THRAP3: variants seen among roughly 807,000 people sequenced by gnomAD.
The protein encoded by THRAP3 is thyroid hormone receptor-associated protein 3.
A neutral mutation model predicts 101.0 loss-of-function variants in THRAP3; 16 were observed. The ratio of observed to expected loss-of-function variants is 0.16; its 90% CI spans 0.11 to 0.24. THRAP3 has a LOEUF of 0.24. THRAP3 is among the 10% of genes least tolerant of loss of function. THRAP3 has a pLI of 1.00. For missense variants in THRAP3, 989 were observed against 1,202.7 expected, an observed-to-expected ratio of 0.82 and a Z score of 2.63; for synonymous variants, 407 against 422.6, an observed-to-expected ratio of 0.96 and a Z score of 0.45.
At position 36,303,948 on chromosome 1, in the gene THRAP3, G is replaced by A. The variant is rs1459361224; in HGVS notation, c.2799G>A (p.Glu933=). ...ACAAGTTCAGTGGGGAGGAAGGGGA[G>A]ATTGAAGACGACGAGAGTGGGACAG... ...AHDKFSGEEG[E]IEDDESGTEN... is the part of the protein sequence containing the mutation. Residue 933 remains glutamate (E), a synonymous_variant, in exon 12 of 12, where the codon GAG becomes GAA. Transcript: ENST00000354618. 6.2e-7 allele frequency: 1 copy of A among 1,612,196 alleles called. No individual in the cohort carries two copies. Among genetic ancestry groups the A allele is most frequent in the Non-Finnish European group, 8.5e-7 (1 of 1,179,218 alleles).
At position 36,289,556 on chromosome 1, in the gene THRAP3, A is replaced by G; in HGVS notation, c.1537A>G (p.Arg513Gly). The G allele has an allele frequency of 1.9e-6, 3 of 1,614,122 alleles. No individual in the cohort carries two copies. Among genetic ancestry groups the G allele is most frequent in the Non-Finnish European group, 2.5e-6 (3 of 1,180,008 alleles). Residue 513 changes from arginine (R) to glycine (G), a missense_variant, in exon 5 of 12, where the codon AGG becomes GGG. Arg to Gly is a moderately radical substitution (Grantham distance 125). Coordinates refer to ENST00000354618, the MANE Select transcript of THRAP3 (RefSeq NM_005119.4). ...GGGCAAGAGAAGCGAAGGTGGGCAC[A>G]GGGGCTTTGTGCCTGAGAAGAATTT... ...DRGKRSEGGH[R>G]GFVPEKNFRV...
chr1:36,213,909 G>GAGAAAGAAAGAA, the THRAP3 span, among the ~76,000 whole-genome samples: 204 of 80,328 alleles, frequency 2.5e-3, 6 homozygotes, highest in Middle Eastern at 0.011. Flanking sequence ...AAGAAGGAAA[G>GAGAAAGAAAGAA]AGAAAGAAAG....
upstream of THRAP3, among the ~76,000 whole-genome samples, chr1:36,220,885 C>T (rs1376823080): frequency 7.0e-6 from 1 of 143,458 alleles, no homozygotes; most frequent in Admixed American, 7.3e-5. Flanking sequence ...AACCCGGGGG[C>T]GCAGAGACTG....
upstream of THRAP3, among the ~76,000 whole-genome samples, chr1:36,221,187 A>AC (rs1644901569): frequency 8.2e-6 from 1 of 121,622 alleles, no homozygotes; most frequent in South Asian, 2.5e-4. Flanking sequence ...ACCCTATCTC[A>AC]AAAAAAAAAA....
chr1:36,282,050 G>A (rs1645737975), intron 2 of THRAP3, among the ~76,000 whole-genome samples: 1 of 150,300 alleles, frequency 6.7e-6, no homozygotes, highest in Non-Finnish European at 1.5e-5. Flanking sequence ...TCTAGCCTGG[G>A]CAACAAAAGC....
At chr1:36,262,959 ATTT>A (rs55662646) in intron 2 of THRAP3, among the ~76,000 whole-genome samples, 8 of 104,366 alleles carry the variant, frequency 7.7e-5, no homozygotes, top group African/African-American at 2.5e-4. Flanking sequence ...GGGCCGGCTA[ATTT>A]TTTTTTTTTT....
intron 2 of THRAP3, among the ~76,000 whole-genome samples, chr1:36,262,130 A>G (rs557537319): frequency 6.6e-5 from 10 of 152,374 alleles, no homozygotes; most frequent in African/African-American, 1.7e-4. Flanking sequence ...ATATAATTCA[A>G]TATATCCAGT....
chr1:36,218,256 C>G, the THRAP3 span, among the ~76,000 whole-genome samples: 2 of 151,090 alleles, frequency 1.3e-5, no homozygotes, highest in Non-Finnish European at 2.9e-5. Context: ...GTAGTCCCAG[C>G]TACTCGGGAG....
At chr1:36,212,702 G>A in the THRAP3 span, among the ~76,000 whole-genome samples, 1 of 152,088 alleles carries the variant, frequency 6.6e-6, no homozygotes, top group Non-Finnish European at 1.5e-5. Context: ...TTACAAGCAT[G>A]TGCCACCACA....
intron 1 of THRAP3, among the ~76,000 whole-genome samples, chr1:36,232,074 G>C (rs1645034357): frequency 6.6e-6 from 1 of 152,020 alleles, no homozygotes; most frequent in African/African-American, 2.4e-5. Flanking sequence ...AAATTAGGCA[G>C]GTGTGGTGGT....
Position 36,304,139 on chromosome 1 carries a change from G to C in THRAP3, c.*122G>C, listed in dbSNP as rs770659174. The C allele has an allele frequency of 2.2e-5, 31 of 1,386,568 alleles. No homozygotes were observed. Among genetic ancestry groups the C allele is most frequent in the African/African-American group, 4.4e-5 (3 of 68,040 alleles). 85.9% of individuals were successfully genotyped at this position (1,386,568 alleles called of 1,614,324 possible). ...ATCCTACCCCCACCCCCCACCAGCC[G>C]CACAGATTGTACTACCGCGAGAGGC... On this transcript the variant is annotated 3_prime_UTR_variant, in exon 12 of 12. Transcript: ENST00000354618.
chr1:36,277,846 G>A lies in THRAP3; in HGVS notation c.-31-4687G>A, dbSNP rs150276272. ...ACAATCTAGGCTCACTGCCACCTCT[G>A]CCCCCCAGGTTCAGTCGATTCTCCT... On this transcript the variant is annotated intron_variant, in intron 2 of 11. Coordinates refer to ENST00000354618, the MANE Select transcript of THRAP3 (RefSeq NM_005119.4). Among the ~76,000 whole-genome samples the A allele has an allele frequency of 9.7e-3, 1,475 of 151,918 alleles. 16 individuals carry two copies. The highest frequency in any genetic ancestry group is 0.034 in the African/African-American group (1,408 of 41,442).
chr1:36,277,824 A>G (rs562120035), intron 2 of THRAP3, among the ~76,000 whole-genome samples: 3 of 152,202 alleles, frequency 2.0e-5, no homozygotes, highest in Admixed American at 6.5e-5. Context: ...CAATGGCACA[A>G]TCTAGGCTCA....
At chr1:36,240,411 A>T (rs1432576419) in intron 1 of THRAP3, among the ~76,000 whole-genome samples, 1 of 152,218 alleles carries the variant, frequency 6.6e-6, no homozygotes, top group Non-Finnish European at 1.5e-5. Context: ...GAAGCCAGGC[A>T]TCTGTCACAG....
At chr1:36,229,374 C>A (rs1186026838) in intron 1 of THRAP3, among the ~76,000 whole-genome samples, 2 of 147,074 alleles carry the variant, frequency 1.4e-5, no homozygotes, top group Admixed American at 6.8e-5. Context: ...GGGATTATAG[C>A]GGTGAGCCAC....
chr1:36,243,307 C>A lies in THRAP3; in HGVS notation c.-134-16075C>A, dbSNP rs1007200749. ...GAAGGTCAGCAGATAAACAAGTGAACAAAGGTCTCTAGTTTTCCTAGGCAG... is the reference window on the plus strand; with the variant it reads ...GAAGGTCAGCAGATAAACAAGTGAAAAAAGGTCTCTAGTTTTCCTAGGCAG... On this transcript the variant is annotated intron_variant, in intron 1 of 11. Transcript: ENST00000354618. Among the ~76,000 whole-genome samples, 14 of 151,724 alleles carry A rather than the reference C, an allele frequency of 9.2e-5. No individual in the cohort carries two copies. The South Asian group carries it at 2.1e-3, about 23-fold the overall frequency.
intron 1 of THRAP3, among the ~76,000 whole-genome samples, 191 bp downstream of exon 1, chr1:36,224,696 T>G (rs938241187): frequency 5.3e-5 from 8 of 152,146 alleles, no homozygotes; most frequent in Non-Finnish European, 1.2e-4. Flanking sequence ...CCCCGCCCTT[T>G]AGGTCTTCCC....
At chr1:36,282,461 C>A in intron 2 of THRAP3, 72 bp from the exon 3 acceptor site, 1 of 1,027,344 alleles carries the variant, frequency 9.7e-7, no homozygotes, top group Non-Finnish European at 1.4e-6. Flanking sequence ...AAATGTGTTT[C>A]TAAAATGTCC....
chr1:36,303,005 G>GTA (rs1409471223), intron 11 of THRAP3, among the ~76,000 whole-genome samples: 5 of 152,108 alleles, frequency 3.3e-5, no homozygotes, highest in Admixed American at 6.5e-5. Flanking sequence ...GAGTGCAGTG[G>GTA]TATGATCTTG....
Sources: gnomAD v4.1 joint callset for allele counts (sites outside exome capture counted in the v4.1 genomes callset) on GRCh38, gnomAD v4.1.1 for gene constraint, MANE v1.5 for transcripts, NCBI Gene and HGNC (gene_info 2026-07-23, HGNC 2026-07-21) for gene names.